The following SPTAN1 variants were observed in gnomAD, a reference collection of about 807,000 sequenced individuals.
SPTAN1 encodes the protein spectrin alpha, non-erythrocytic 1.
Under a neutral mutation model 331.3 loss-of-function variants are expected in SPTAN1, and 61 were observed. That is an observed-to-expected ratio of 0.18 (90% CI 0.15 to 0.23). The LOEUF (loss-of-function observed/expected upper bound fraction) is 0.23, where lower values mean the gene tolerates loss of function less well. SPTAN1 is among the 10% of genes least tolerant of loss of function. The pLI is 1.00. For missense variants in SPTAN1, 2,043 were observed against 3,147.9 expected, an observed-to-expected ratio of 0.65 and a Z score of 8.40; for synonymous variants, 1,153 against 1,173.9, an observed-to-expected ratio of 0.98 and a Z score of 0.36.
At position 128,575,149 on chromosome 9, in the gene SPTAN1, G is replaced by A. The variant is rs562170240; in HGVS notation, c.505-50G>A. 74 of 1,613,082 alleles carry A rather than the reference G, an allele frequency of 4.6e-5. 1 individual carries two copies. The South Asian group carries it at 7.7e-4, about 17-fold the overall frequency. ...CTGTTTGATGTTTCTGGAAGCCATT[G>A]TTAACAAATGTTGGTTGGTGACTCT... is the stretch of plus-strand genomic sequence containing the variant. On this transcript the variant is annotated intron_variant, in intron 4 of 56. Transcript: ENST00000372739.
intron 1 of SPTAN1, among the ~76,000 whole-genome samples, chr9:128,557,799 C>CTTTTT (rs72214808): frequency 7.1e-5 from 6 of 85,006 alleles, no homozygotes; most frequent in East Asian, 3.3e-4. Flanking sequence ...TTAGAAATTT[C>CTTTTT]TTTTTTTTTT....
In SPTAN1 at chr9:128,618,084, A is replaced by G. The variant is rs2131800107; in HGVS notation, c.5576A>G (p.Glu1859Gly). 6.2e-7 allele frequency: 1 copy of G among 1,613,704 alleles called. No individual in the cohort carries two copies. Among genetic ancestry groups the G allele is most frequent in the Non-Finnish European group, 8.5e-7 (1 of 1,179,948 alleles). ...GCGCAGTTTGTGGAGCACTGGAAAG[A>G]GCTGAAGCAGCTGGCAGCTGCCCGG... ...RLAQFVEHWK[E>G]LKQLAAARGQ... The change falls in exon 43 of 57, where the codon GAG becomes GGG. Residue 1859 changes from glutamate to glycine, a missense_variant. Physicochemically the swap from Glu to Gly is moderately conservative, Grantham distance 98. Coordinates refer to ENST00000372739, the MANE Select transcript of SPTAN1 (RefSeq NM_001130438.3).
intron 45 of SPTAN1, among the ~76,000 whole-genome samples, chr9:128,622,293 CT>C (rs35122170): frequency 1.2e-3 from 113 of 91,504 alleles, no homozygotes; most frequent in African/African-American, 3.2e-3. Context: ...GAGCCAGCTG[CT>C]TTTTTTTTTT....
Position 128,579,579 on chromosome 9 carries a change from T to C in SPTAN1, c.1222-58T>C. On this transcript the variant is annotated intron_variant, in intron 9 of 56. Transcript: ENST00000372739. ...AATGCTTATGTAAAATTCAGCACCT[T>C]GTTTTTATTTTGTAAGATGCTGGGC... 11 of 1,397,978 alleles carry C rather than the reference T, an allele frequency of 7.9e-6. No homozygotes were observed. The South Asian group carries it at 1.3e-4, about 16-fold the overall frequency. 86.6% of individuals were successfully genotyped at this position (1,397,978 alleles called of 1,614,324 possible).
In SPTAN1 at chr9:128,625,681, G is replaced by A; in HGVS notation, c.6070-88G>A. On this transcript the variant is annotated intron_variant, in intron 47 of 56. Transcript: ENST00000372739. The surrounding 1 kb of genome is among the most constrained non-coding windows in gnomAD (Gnocchi z 4.1). ...GTGGACAGTTTGGCTTGGGCATCTG[G>A]GGGACATGCTGGTGCCATCTGAGCC... is the stretch of plus-strand genomic sequence containing the variant. 2 of 1,285,114 alleles carry A rather than the reference G, an allele frequency of 1.6e-6. No individual in the cohort carries two copies. The highest frequency in any genetic ancestry group is 2.2e-6 in the Non-Finnish European group (2 of 891,148). The allele number at this position is 1,285,114 out of a possible 1,614,324, so 79.6% of individuals were successfully genotyped here. A position where few individuals can be genotyped will look rare whatever the true frequency, so the allele number is the denominator to read the frequency against.
intron 29 of SPTAN1, 71 bp from the exon 30 acceptor site, chr9:128,604,963 T>TAAA: frequency 7.2e-7 from 1 of 1,389,642 alleles, no homozygotes; most frequent in Non-Finnish European, 9.9e-7. Context: ...AATAAATAAA[T>TAAA]TTTTTTTAGT....
intron 26 of SPTAN1, 143 bp from the exon 27 acceptor site, chr9:128,599,937 T>C: frequency 1.2e-6 from 1 of 852,752 alleles, no homozygotes; most frequent in Non-Finnish European, 2.0e-6. Context: ...CCAGCCAAAC[T>C]ATGGAGGGAA....
chr9:128,624,375 C>A lies in SPTAN1; in HGVS notation c.5880C>A (p.Asn1960Lys). ...TCTCTTCAAAGATGAAGGGCCTGAA[C>A]GGGAAAGTGTCAGACCTGGAGAAAG... ...ENISSKMKGLNGKVSDLEKAA... is the reference protein window; with the variant it reads ...ENISSKMKGLKGKVSDLEKAA... Residue 1960 changes from asparagine (N) to lysine (K), a missense_variant, in exon 46 of 57, where the codon AAC becomes AAA. By Grantham distance (94) the Asn-to-Lys change is moderately conservative (BLOSUM62 0). This residue lies in a region of SPTAN1 where 323 missense variants were observed against 581.1 expected (regional missense o/e 0.56). Coordinates refer to ENST00000372739, the MANE Select transcript of SPTAN1 (RefSeq NM_001130438.3). 1 of 1,613,940 alleles carries A rather than the reference C, an allele frequency of 6.2e-7. No individual in the cohort carries two copies. Among genetic ancestry groups the A allele is most frequent in the Non-Finnish European group, 8.5e-7 (1 of 1,179,998 alleles).
Position 128,587,989 on chromosome 9 carries a change from G to GCA in SPTAN1, c.2871+291_2871+292insCA, listed in dbSNP as rs1852885707. Among the ~76,000 whole-genome samples the GCA allele has an allele frequency of 2.0e-5, 3 of 151,178 alleles. No homozygotes were observed. In the Admixed American group the frequency reaches 2.0e-4, roughly 10 times the overall value. On this transcript the variant is annotated intron_variant, in intron 20 of 56. Coordinates refer to ENST00000372739, the MANE Select transcript of SPTAN1 (RefSeq NM_001130438.3). ...GCCTCCTGAGTAGGTGGGATTACAG[G>GCA]TGTTCACCACCATGCCCAGCTAAAT... is the stretch of plus-strand genomic sequence containing the variant.
At chr9:128,605,509 A>AC in intron 31 of SPTAN1, 32 bp downstream of exon 31, 1 of 1,613,688 alleles carries the variant, frequency 6.2e-7, no homozygotes, top group Non-Finnish European at 8.5e-7. Flanking sequence ...GACTTCTGGA[A>AC]CATAGAGCCT....
At chr9:128,560,749 G>A (rs1849221906) in intron 1 of SPTAN1, among the ~76,000 whole-genome samples, 2 of 152,094 alleles carry the variant, frequency 1.3e-5, no homozygotes, top group South Asian at 4.1e-4. Context: ...GCCGGGTGCT[G>A]TGGCTCACGT....
chr9:128,593,200 G>A (rs767451067), intron 23 of SPTAN1, 158 bp downstream of exon 23: 3 of 779,708 alleles, frequency 3.8e-6, no homozygotes, highest in Non-Finnish European at 6.6e-6. Context: ...AAGGGAAGAG[G>A]TCGCGGTGCA....
At position 128,627,289 on chromosome 9, in the gene SPTAN1, T is replaced by G; in HGVS notation, c.6577-97T>G. The G allele has an allele frequency of 9.1e-7, 1 of 1,093,420 alleles. No homozygotes were observed. Among genetic ancestry groups the G allele is most frequent in the Non-Finnish European group, 1.3e-6 (1 of 741,646 alleles). The allele number at this position is 1,093,420 out of a possible 1,614,324, so 67.7% of individuals were successfully genotyped here. On this transcript the variant is annotated intron_variant, in intron 49 of 56. Coordinates refer to ENST00000372739, the MANE Select transcript of SPTAN1 (RefSeq NM_001130438.3). This position sits in a 1 kb window ranked among gnomAD's most constrained non-coding sequence, Gnocchi z 4.9. ...TCCTCTCATCTTTGGGGAGGTTCCT[T>G]GTGGGGAGGCCACCACCACCCTGAG...
At chr9:128,620,624 A>G (rs1163972348) in intron 44 of SPTAN1, among the ~76,000 whole-genome samples, 2 of 152,126 alleles carry the variant, frequency 1.3e-5, no homozygotes, top group African/African-American at 2.4e-5. Flanking sequence ...AGGCTGAGGC[A>G]GGAGAATCGC....
intron 24 of SPTAN1, 150 bp downstream of exon 24, chr9:128,594,523 TG>T (rs1853966675): frequency 1.4e-6 from 1 of 737,536 alleles, no homozygotes; most frequent in African/African-American, 1.8e-5. Context: ...CTCTGCCTCC[TG>T]GGTTCAAGTG....
intron 1 of SPTAN1, among the ~76,000 whole-genome samples, chr9:128,562,781 G>A (rs1007426718): frequency 7.3e-5 from 11 of 151,644 alleles, no homozygotes; most frequent in African/African-American, 2.2e-4. Flanking sequence ...TGGCTAGCAC[G>A]GTGAAACGCC....
chr9:128,624,848 A>C, intron 46 of SPTAN1: 1 of 577,032 alleles, frequency 1.7e-6, no homozygotes. Flanking sequence ...GGGTCCGGAT[A>C]TCGGGGTCCA....
intron 3 of SPTAN1, among the ~76,000 whole-genome samples, chr9:128,571,378 A>C (rs939039381): frequency 3.3e-5 from 5 of 152,122 alleles, no homozygotes; most frequent in Non-Finnish European, 7.4e-5. Context: ...TGAGGTCAGG[A>C]GTTCAAGACC....
Position 128,579,670 on chromosome 9 carries a change from T to C in SPTAN1, c.1255T>C (p.Ser419Pro). 1 of 1,614,136 alleles carries C rather than the reference T, an allele frequency of 6.2e-7. No individual in the cohort carries two copies. Among genetic ancestry groups the C allele is most frequent in the South Asian group, 1.1e-5 (1 of 91,084 alleles). ...EIDAHEDSFK[S>P]ADESGQALLA... ...TGATGCCCATGAAGACAGCTTCAAA[T>C]CTGCAGATGAATCTGGACAGGCACT... The change falls in exon 10 of 57, where the codon TCT (serine) becomes CCT (proline). Residue 419 changes from serine (S) to proline (P), a missense_variant. Ser to Pro is a moderately conservative substitution (Grantham distance 74). Coordinates refer to ENST00000372739, the MANE Select transcript of SPTAN1 (RefSeq NM_001130438.3).
Sources: gnomAD v4.1 joint callset for allele counts (sites outside exome capture counted in the v4.1 genomes callset) on GRCh38, gnomAD v4.1.1 for gene constraint, gnomAD v4.1.1 regional missense constraint, Gnocchi (gnomAD v3.1) non-coding constraint, MANE v1.5 for transcripts, NCBI Gene and HGNC (gene_info 2026-07-23, HGNC 2026-07-21) for gene names.